Variants in NT5DC1 observed in about 807,000 individuals in gnomAD.
NT5DC1 encodes 5'-nucleotidase domain containing 1.
NT5DC1 carries 42 observed loss-of-function variants against 59.4 expected under a neutral mutation model. The observed-to-expected ratio is 0.71, with a 90% CI of 0.55 to 0.92. NT5DC1 has a LOEUF of 0.92. Among genes scored for constraint, NT5DC1 ranks in the 40% least tolerant of loss-of-function variants. NT5DC1 has a pLI of 0.00. For synonymous variants in NT5DC1, 172 were observed against 188.1 expected, an observed-to-expected ratio of 0.91 and a Z score of 0.70; for missense variants, 501 against 537.1, an observed-to-expected ratio of 0.93 and a Z score of 0.66.
rs369960543 is a variant in NT5DC1, at chr6:116,189,193, AT to A, written c.530-31857del. Among the ~76,000 whole-genome samples the A allele has an allele frequency of 5.7e-3, 862 of 151,756 alleles. 15 individuals carry two copies. The highest frequency in any genetic ancestry group is 0.046 in the South Asian group (220 of 4,814). On this transcript the variant is annotated intron_variant, in intron 6 of 11. Transcript: ENST00000319550. ...TTAGTTGACCACTCTTGAGAAATTT[AT>A]TTTAGGTACAAATTGTAATAAAAGT...
chr6:116,155,698 C>T (rs1447702258), intron 6 of NT5DC1, among the ~76,000 whole-genome samples: 1 of 143,010 alleles, frequency 7.0e-6, no homozygotes, highest in Admixed American at 7.1e-5. Context: ...ATCTAAAGGG[C>T]ACTGGGTGAA....
intron 6 of NT5DC1, among the ~76,000 whole-genome samples, chr6:116,169,416 T>A (rs957713166): frequency 1.3e-5 from 2 of 152,240 alleles, no homozygotes; most frequent in African/African-American, 4.8e-5. Context: ...TGTCTATGCT[T>A]ACTATATTGC....
At chr6:116,152,694 T>C (rs28673821) in intron 6 of NT5DC1, among the ~76,000 whole-genome samples, 3,785 of 152,272 alleles carry the variant, frequency 0.025, 145 homozygotes, top group African/African-American at 0.085. Flanking sequence ...CTTCTCTTCT[T>C]TTTTCCTCCA....
chr6:116,121,234 CCCTGGGGGCCCAGCTATT>C (rs774347415), intron 6 of NT5DC1: 1 of 1,613,714 alleles, frequency 6.2e-7, no homozygotes, highest in Non-Finnish European at 8.5e-7. Flanking sequence ...AGCCAGGAGG[CCCTGGGGGCCCAGCTATT>C]CCTGGAGCCC....
At chr6:116,122,028 G>A (rs1779147741) in intron 6 of NT5DC1, 1 of 1,361,576 alleles carries the variant, frequency 7.3e-7, no homozygotes, top group African/African-American at 1.4e-5. Context: ...GAGAATCATT[G>A]CCTTTCAAAC....
intron 6 of NT5DC1, among the ~76,000 whole-genome samples, chr6:116,150,518 C>G (rs1780013521): frequency 6.6e-6 from 1 of 152,118 alleles, no homozygotes; most frequent in African/African-American, 2.4e-5. Context: ...TGTGTGACCT[C>G]AAGTGATCCA....
intron 6 of NT5DC1, among the ~76,000 whole-genome samples, chr6:116,163,588 C>A (rs751877693): frequency 4.7e-4 from 71 of 151,724 alleles, no homozygotes; most frequent in Admixed American, 7.2e-4. Context: ...CTTTGTTGAT[C>A]CCTTGTGTGA....
intron 6 of NT5DC1, among the ~76,000 whole-genome samples, chr6:116,202,361 G>C (rs1261017110): frequency 1.3e-5 from 2 of 151,926 alleles, no homozygotes; most frequent in African/African-American, 2.4e-5. Flanking sequence ...TAAATCTAAA[G>C]CTGTAAGTTC....
At position 116,178,343 on chromosome 6, in the gene NT5DC1, A is replaced by C. The variant is rs1051412867; in HGVS notation, c.530-42711A>C. Among the ~76,000 whole-genome samples, 5 of 152,100 alleles carry C rather than the reference A, an allele frequency of 3.3e-5. No individual in the cohort carries two copies. The South Asian group carries it at 1.0e-3, about 32-fold the overall frequency. The stretch of plus-strand genomic sequence containing the variant: ...GGGTGGTATGGCCATAAGCCCTAGG[A>C]CACCTTTCTGAACTCTTTAACTTGA... On this transcript the variant is annotated intron_variant, in intron 6 of 11. Transcript: ENST00000319550.
intron 1 of NT5DC1, among the ~76,000 whole-genome samples, chr6:116,101,347 C>G (rs910729237): frequency 1.3e-5 from 2 of 152,170 alleles, no homozygotes; most frequent in Non-Finnish European, 2.9e-5. Context: ...GTCAGGGGGA[C>G]TAGGGCTGTC....
chr6:116,122,403 T>A (rs1389356823), intron 6 of NT5DC1, among the ~76,000 whole-genome samples: 1 of 152,250 alleles, frequency 6.6e-6, no homozygotes, highest in Non-Finnish European at 1.5e-5. Context: ...GAATTAATTC[T>A]GATTTACATC....
chr6:116,140,849 A>G (rs548391821), intron 6 of NT5DC1, among the ~76,000 whole-genome samples: 12 of 152,230 alleles, frequency 7.9e-5, no homozygotes, highest in Admixed American at 3.9e-4. Flanking sequence ...GTAGTTTACA[A>G]TGGTGTGAGT....
In NT5DC1 at chr6:116,190,570, G is replaced by C. The variant is rs145989822; in HGVS notation, c.530-30484G>C. 3.2e-4 allele frequency among the ~76,000 whole-genome samples: 48 copies of C among 151,946 alleles called. 1 individual carries two copies. The highest frequency in any genetic ancestry group is 1.9e-4 in the Non-Finnish European group (13 of 67,960). On this transcript the variant is annotated intron_variant, in intron 6 of 11. Transcript: ENST00000319550. The stretch of plus-strand genomic sequence containing the variant: ...TTTTTTACACAGCTAAAATTAAATT[G>C]AGAGGGAAAAGATGACAGTGGTTGT...
chr6:116,127,418 C>T (rs1320299823), intron 6 of NT5DC1, among the ~76,000 whole-genome samples: 1 of 152,040 alleles, frequency 6.6e-6, no homozygotes, highest in African/African-American at 2.4e-5. Context: ...TTGTATATAT[C>T]TCTGTATAAT....
chr6:116,204,351 A>G (rs563147409), intron 6 of NT5DC1, among the ~76,000 whole-genome samples: 19 of 152,108 alleles, frequency 1.2e-4, no homozygotes, highest in African/African-American at 4.3e-4. Context: ...AGAGGTAGTG[A>G]CTGAGAAAGA....
Position 116,121,493 on chromosome 6 carries a change from T to C in NT5DC1, c.529+3548T>C, listed in dbSNP as rs779728797. On this transcript the variant is annotated intron_variant, in intron 6 of 11. Transcript: ENST00000319550. Reference sequence around the variant, plus strand: ...AGGGCCAGATGGTCCTGTGGGACCCTGAGGGCCTGGAAGACCCCTCTCACC... The same window carrying C: ...AGGGCCAGATGGTCCTGTGGGACCCCGAGGGCCTGGAAGACCCCTCTCACC... 3.7e-6 allele frequency: 6 copies of C among 1,614,030 alleles called. No homozygotes were observed. The African/African-American group carries it at 8.0e-5, about 22-fold the overall frequency.
intron 1 of NT5DC1, among the ~76,000 whole-genome samples, chr6:116,101,947 C>T (rs762332966): frequency 6.6e-6 from 1 of 152,236 alleles, no homozygotes; most frequent in African/African-American, 2.4e-5. Flanking sequence ...TCCACTGTTA[C>T]TAGCTCTGTG....
At chr6:116,236,807 A>G (rs968066282) in intron 8 of NT5DC1, among the ~76,000 whole-genome samples, 159 bp from the exon 9 acceptor site, 1 of 152,166 alleles carries the variant, frequency 6.6e-6, no homozygotes, top group African/African-American at 2.4e-5. Context: ...GTATATACCT[A>G]TAAGGGCCTT....
At chr6:116,211,393 C>G (rs932052693) in intron 6 of NT5DC1, among the ~76,000 whole-genome samples, 4 of 151,848 alleles carry the variant, frequency 2.6e-5, no homozygotes, top group Admixed American at 6.6e-5. Context: ...ATAAAAAACC[C>G]AATACAATGA....
Sources: allele counts gnomAD v4.1 joint callset (sites outside exome capture counted in the v4.1 genomes callset), GRCh38; gene constraint gnomAD v4.1.1; transcripts MANE v1.5; gene names NCBI Gene and HGNC (gene_info 2026-07-23, HGNC 2026-07-21).